The following FDX2 variants were observed in gnomAD, a reference collection of about 807,000 sequenced individuals.
The protein encoded by FDX2 is ferredoxin 2.
Under a neutral mutation model 18.5 loss-of-function variants are expected in FDX2, and 13 were observed. The observed-to-expected ratio is 0.70, with a 90% confidence interval of 0.46 to 1.12. FDX2 has a LOEUF of 1.12. FDX2 is among the 50% of genes most tolerant of loss of function. FDX2 has a pLI of 0.00. For missense variants in FDX2, 238 were observed against 250.4 expected, an observed-to-expected ratio of 0.95 and a Z score of 0.34; for synonymous variants, 132 against 106.2, an observed-to-expected ratio of 1.24 and a Z score of -1.49.
rs1210672800 is a variant in FDX2 at position 10,315,564 on chromosome 19, G to C, written c.210-72C>G. On this transcript the variant is annotated intron_variant, in intron 2 of 4. Transcript: ENST00000393708. ...GGGCCCGGGTAGAATCTAGGGTTAG[G>C]AAGTAGGAATTGAGGCTTGACGCAC... 7.7e-6 allele frequency: 12 copies of C among 1,560,504 alleles called. No homozygotes were observed. The African/African-American group carries it at 1.5e-4, about 19-fold the overall frequency.
rs751790431 is a variant in FDX2 at position 10,315,977 on chromosome 19, C to G, written c.29G>C (p.Arg10Pro). 1.4e-5 allele frequency: 23 copies of G among 1,608,626 alleles called. No homozygotes were observed. The highest frequency in any genetic ancestry group is 8.5e-7 in the Non-Finnish European group (1 of 1,178,752). The change falls in exon 1 of 5, where the codon CGG becomes CCG. Residue 10 changes from arginine (R) to proline (P), a missense_variant. By Grantham distance (103) the Arg-to-Pro change is moderately radical (BLOSUM62 -2). Coordinates refer to ENST00000393708, the MANE Select transcript of FDX2 (RefSeq NM_001031734.4). ...TAGAACCCTGGCACTCACGCCTCCC[C>G]GGGCCATGGAGGCGGCCATGACATG...
In FDX2 at chr19:10,310,175, G is replaced by A. The variant is rs1411298957; in HGVS notation, c.*311C>T. On this transcript the variant is annotated 3_prime_UTR_variant, in exon 5 of 5. Transcript: ENST00000393708. ...GGATTACAGGTGTGAGCCACCTGTAGACCCCAGATCTGTCCCCCAAGGACA... is the reference window on the plus strand; with the variant it reads ...GGATTACAGGTGTGAGCCACCTGTAAACCCCAGATCTGTCCCCCAAGGACA... 2 of 360,840 alleles carry A rather than the reference G, an allele frequency of 5.5e-6. No homozygotes were observed. The highest frequency in any genetic ancestry group is 2.1e-5 in the African/African-American group (1 of 48,676). The allele number at this position is 360,840 out of a possible 1,614,324, so 22.4% of individuals were successfully genotyped here.
At position 10,315,911 on chromosome 19, in the gene FDX2, C is replaced by T. The variant is rs2040379681; in HGVS notation, c.95G>A (p.Gly32Asp). ...CACCCCCTCCCCCGACCCGGAAGTGCCCCCAGGTCTGTTCCACCAGGTGCC... is the reference window on the plus strand; with the variant it reads ...CACCCCCTCCCCCGACCCGGAAGTGTCCCCAGGTCTGTTCCACCAGGTGCC... Residue 32 changes from glycine (G) to aspartate (D), a missense_variant, in exon 1 of 5, where the codon GGC becomes GAC. Transcript: ENST00000393708. 1 of 1,575,470 alleles carries T rather than the reference C, an allele frequency of 6.3e-7. No homozygotes were observed. Among genetic ancestry groups the T allele is most frequent in the Non-Finnish European group, 8.6e-7 (1 of 1,158,866 alleles).
chr19:10,311,964 A>C (rs1251981185), intron 3 of FDX2, among the ~76,000 whole-genome samples: 1 of 136,682 alleles, frequency 7.3e-6, no homozygotes, highest in Non-Finnish European at 1.5e-5. Flanking sequence ...TCTGCCTCCC[A>C]GGTTCAAGTG....
intron 4 of FDX2, 105 bp from the exon 5 acceptor site, chr19:10,310,747 G>T: frequency 6.8e-7 from 1 of 1,469,408 alleles, no homozygotes; most frequent in Non-Finnish European, 9.4e-7. Flanking sequence ...GGGGGTAGTG[G>T]TGGGGGAGGC....
In FDX2 at chr19:10,310,902, C is replaced by T. The variant is rs1236112800; in HGVS notation, c.355G>A (p.Val119Met). 6.2e-7 allele frequency: 1 copy of T among 1,613,774 alleles called. No homozygotes were observed. The highest frequency in any genetic ancestry group is 2.2e-5 in the East Asian group (1 of 44,884). Reference sequence around the variant, plus strand: ...TCCAGGTGGTCTTCACTCACATACACATGGCAGGTGGAGCAGGCCAGGGAG... The same window carrying T: ...TCCAGGTGGTCTTCACTCACATACATATGGCAGGTGGAGCAGGCCAGGGAG... Residue 119 changes from valine to methionine, a missense_variant, in exon 4 of 5, where the codon GTG becomes ATG. Physicochemically the swap from Val to Met is conservative, Grantham distance 21 (BLOSUM62 1). Coordinates refer to ENST00000393708, the MANE Select transcript of FDX2 (RefSeq NM_001031734.4).
At chr19:10,311,162 C>T (rs2040320168) in intron 3 of FDX2, among the ~76,000 whole-genome samples, 1 of 152,130 alleles carries the variant, frequency 6.6e-6, no homozygotes, top group Non-Finnish European at 1.5e-5. Flanking sequence ...TCTGGGAGGC[C>T]CCATTTCCCA....
intron 4 of FDX2, 34 bp from the exon 5 acceptor site, chr19:10,310,676 G>A (rs1014254127): frequency 7.8e-6 from 10 of 1,289,324 alleles, no homozygotes; most frequent in Non-Finnish European, 1.1e-5. Context: ...TTAGCCGAGG[G>A]CAAGCTAGCT....
In FDX2 at chr19:10,310,649, T is replaced by C. The variant is rs745863544; in HGVS notation, c.405-7A>G. The C allele has an allele frequency of 7.4e-7, 1 of 1,345,998 alleles. No individual in the cohort carries two copies. The highest frequency in any genetic ancestry group is 1.8e-5 in the African/African-American group (1 of 56,758). The allele number at this position is 1,345,998 out of a possible 1,614,324, so 83.4% of individuals were successfully genotyped here. A position where few individuals can be genotyped will look rare whatever the true frequency, so the allele number is the denominator to read the frequency against. Reference sequence around the variant, plus strand: ...GTCTAGCATGTCGTCTTCCCTAGGGTGGTGACACGGGCAGTGTTAGCCGAG... The same window carrying C: ...GTCTAGCATGTCGTCTTCCCTAGGGCGGTGACACGGGCAGTGTTAGCCGAG... On this transcript the variant is annotated splice_polypyrimidine_tract_variant and splice_region_variant and intron_variant, in intron 4 of 4. Coordinates refer to ENST00000393708, the MANE Select transcript of FDX2 (RefSeq NM_001031734.4).
chr19:10,315,411 G>A lies in FDX2; in HGVS notation c.291C>T (p.Ala97=). Reference sequence around the variant, plus strand: ...CTTCCAGGTCCACCCCGTGGCGCTGGGCCAGGTGAAGAACATTGTCCCCGA... The same window carrying A: ...CTTCCAGGTCCACCCCGTGGCGCTGAGCCAGGTGAAGAACATTGTCCCCGA... The change falls in exon 3 of 5, where the codon GCC becomes GCT. Residue 97 remains alanine, a synonymous_variant. Transcript: ENST00000393708. 1 of 1,612,946 alleles carries A rather than the reference G, an allele frequency of 6.2e-7. No homozygotes were observed. The highest frequency in any genetic ancestry group is 2.2e-5 in the East Asian group (1 of 44,812).
intron 3 of FDX2, among the ~76,000 whole-genome samples, chr19:10,314,903 CCAGCCTGGCCAATGTGGT>C (rs2040362121): frequency 6.6e-6 from 1 of 152,090 alleles, no homozygotes; most frequent in Admixed American, 6.6e-5. Context: ...GAGTTTGAGA[CCAGCCTGGCCAATGTGGT>C]GAAACCCCGT....
rs964942882 is a variant in FDX2, at chr19:10,310,265, A to T, written c.*221T>A. 4.9e-6 allele frequency: 3 copies of T among 606,228 alleles called. No individual in the cohort carries two copies. In the African/African-American group the frequency reaches 5.6e-5, roughly 11 times the overall value. The allele number at this position is 606,228 out of a possible 1,614,324, so 37.6% of individuals were successfully genotyped here. A position where few individuals can be genotyped will look rare whatever the true frequency, so the allele number is the denominator to read the frequency against. ...TCCAATATGAGTCCACTCCTACTCAAACCCTGATTCTCAGGGGCCTGGGGA... is the reference window on the plus strand; with the variant it reads ...TCCAATATGAGTCCACTCCTACTCATACCCTGATTCTCAGGGGCCTGGGGA... On this transcript the variant is annotated 3_prime_UTR_variant, in exon 5 of 5. Coordinates refer to ENST00000393708, the MANE Select transcript of FDX2 (RefSeq NM_001031734.4).
chr19:10,315,771 G>C lies in FDX2; in HGVS notation c.155-12C>G. 1.2e-6 allele frequency: 2 copies of C among 1,603,070 alleles called. No homozygotes were observed. The highest frequency in any genetic ancestry group is 1.1e-5 in the South Asian group (1 of 89,990). On this transcript the variant is annotated splice_polypyrimidine_tract_variant and intron_variant, in intron 1 of 4. Transcript: ENST00000393708. ...AGCCGGGCGCGAGCCTGGAAAACAC[G>C]GTTCGGTGAGCGGCTGCGCCGAGCC...
intron 4 of FDX2, 31 bp from the exon 5 acceptor site, chr19:10,310,673 A>C: frequency 8.9e-7 from 1 of 1,125,774 alleles, no homozygotes; most frequent in Non-Finnish European, 1.2e-6. Flanking sequence ...GTGTTAGCCG[A>C]GGGCAAGCTA....
In FDX2 at chr19:10,310,222, T is replaced by G; in HGVS notation, c.*264A>C. 1 of 500,824 alleles carries G rather than the reference T, an allele frequency of 2.0e-6. No individual in the cohort carries two copies. Among genetic ancestry groups the G allele is most frequent in the Non-Finnish European group, 3.6e-6 (1 of 277,060 alleles). The allele number at this position is 500,824 out of a possible 1,614,324, so 31.0% of individuals were successfully genotyped here. On this transcript the variant is annotated 3_prime_UTR_variant, in exon 5 of 5. Transcript: ENST00000393708. Reference sequence around the variant, plus strand: ...GACACTCAACATGCTGGGGCCTGTGTTATCGATTTATTGCAGCTCCAATAT... The same window carrying G: ...GACACTCAACATGCTGGGGCCTGTGGTATCGATTTATTGCAGCTCCAATAT...
At chr19:10,313,675 T>TAAA (rs2040348530) in intron 3 of FDX2, among the ~76,000 whole-genome samples, 1 of 22,778 alleles carries the variant, frequency 4.4e-5, no homozygotes, top group African/African-American at 2.0e-4. Context: ...ATATATATTT[T>TAAA]TTTTTTTTTT....
chr19:10,313,958 A>G (rs1048233789), intron 3 of FDX2, among the ~76,000 whole-genome samples: 1 of 150,282 alleles, frequency 6.7e-6, no homozygotes, highest in African/African-American at 2.4e-5. Context: ...TGCTGGGATT[A>G]CAGGCGTGAG....
At chr19:10,311,703 ATTTTTTT>A (rs35145849) in intron 3 of FDX2, among the ~76,000 whole-genome samples, 2 of 116,890 alleles carry the variant, frequency 1.7e-5, no homozygotes, top group African/African-American at 6.4e-5. Flanking sequence ...CCCGGCCAGG[ATTTTTTT>A]TTTTTTTTTT....
Position 10,310,879 on chromosome 19 carries a change from C to A in FDX2, c.378G>T (p.Leu126=). 2.5e-6 allele frequency: 4 copies of A among 1,613,922 alleles called. No individual in the cohort carries two copies. The highest frequency in any genetic ancestry group is 8.5e-7 in the Non-Finnish European group (1 of 1,179,958). Residue 126 remains leucine (L), a synonymous_variant, in exon 4 of 5, where the codon CTG becomes CTT. Transcript: ENST00000393708. ...TCTCCTCGGGAGGAGGCAGGAGATC[C>A]AGGTGGTCTTCACTCACATACACAT...
Sources: allele counts gnomAD v4.1 joint callset (sites outside exome capture counted in the v4.1 genomes callset), GRCh38; gene constraint gnomAD v4.1.1; transcripts MANE v1.5; gene names NCBI Gene and HGNC (gene_info 2026-07-23, HGNC 2026-07-21).